GTF3C1: variants seen among roughly 807,000 people sequenced by gnomAD.
GTF3C1 encodes the protein general transcription factor 3C polypeptide 1.
A neutral mutation model predicts 226.7 loss-of-function variants in GTF3C1; 57 were observed. The observed-to-expected ratio is 0.25, with a 90% CI of 0.20 to 0.31. The LOEUF (loss-of-function observed/expected upper bound fraction) is 0.31. Among genes scored for constraint, GTF3C1 ranks in the 10% least tolerant of loss-of-function variants. The pLI, the probability that GTF3C1 is intolerant of heterozygous loss-of-function variation, is 1.00. For synonymous variants in GTF3C1, 1,090 were observed against 1,084.8 expected, an observed-to-expected ratio of 1.00 and a Z score of -0.09; for missense variants, 2,217 against 2,776.1, an observed-to-expected ratio of 0.80 and a Z score of 4.53.
intron 6 of GTF3C1, among the ~76,000 whole-genome samples, chr16:27,521,358 G>C (rs1008654303): frequency 3.3e-5 from 5 of 152,240 alleles, no homozygotes; most frequent in Admixed American, 6.5e-5. Flanking sequence ...CTCCCTCAGC[G>C]TGTGGCCAGT....
Position 27,507,758 on chromosome 16 carries a change from G to A in GTF3C1, c.1243-602C>T, listed in dbSNP as rs1395009532. On this transcript the variant is annotated intron_variant, in intron 8 of 36. Transcript: ENST00000356183. This position sits in a 1 kb window ranked among gnomAD's most constrained non-coding sequence, Gnocchi z 4.9. ...TTCCAGCCAGATGACCAGATCGTGA[G>A]CAAGATGAGAGTGGCATGTCAGGGG... 2.6e-5 allele frequency among the ~76,000 whole-genome samples: 4 copies of A among 152,376 alleles called. No individual in the cohort carries two copies. The highest frequency in any genetic ancestry group is 2.1e-4 in the South Asian group (1 of 4,834).
In GTF3C1 at chr16:27,485,030, A is replaced by G. The variant is rs1341416248; in HGVS notation, c.3859-677T>C. On this transcript the variant is annotated intron_variant, in intron 24 of 36. Coordinates refer to ENST00000356183, the MANE Select transcript of GTF3C1 (RefSeq NM_001520.4). ...CCACTTACCCATCAGCTCTGCAATG[A>G]CGAAGCCATTGCAGATGCAGGGAAC... 2.6e-5 allele frequency among the ~76,000 whole-genome samples: 4 copies of G among 152,364 alleles called. No homozygotes were observed. The East Asian group carries it at 7.7e-4, about 29-fold the overall frequency.
Position 27,462,047 on chromosome 16 carries a change from G to A in GTF3C1, c.6117+247C>T, listed in dbSNP as rs548672560. The A allele has an allele frequency of 2.2e-5, 12 of 543,100 alleles. No individual in the cohort carries two copies. The East Asian group carries it at 2.3e-4, about 11-fold the overall frequency. The allele number at this position is 543,100 out of a possible 1,614,324, so 33.6% of individuals were successfully genotyped here. ...GCGGACTCATGAGTTAGTGACCCCT[G>A]GCACAGAGAAAGCATCAGAGACAAG... On this transcript the variant is annotated intron_variant, in intron 36 of 36. Transcript: ENST00000356183. This position sits in a 1 kb window ranked among gnomAD's most constrained non-coding sequence, Gnocchi z 4.5.
chr16:27,546,281 C>A (rs895322820), intron 1 of GTF3C1, among the ~76,000 whole-genome samples: 1 of 152,074 alleles, frequency 6.6e-6, no homozygotes, highest in African/African-American at 2.4e-5. Flanking sequence ...AGTCCTTTTT[C>A]TCCAAATACA....
At chr16:27,527,019 T>C (rs954663514) in intron 6 of GTF3C1, among the ~76,000 whole-genome samples, 2 of 152,242 alleles carry the variant, frequency 1.3e-5, no homozygotes, top group East Asian at 3.9e-4. Context: ...AGCCTGGGCA[T>C]GATAGCAAGA....
intron 12 of GTF3C1, among the ~76,000 whole-genome samples, chr16:27,499,989 C>T (rs1317423314): frequency 6.6e-6 from 1 of 152,196 alleles, no homozygotes; most frequent in Non-Finnish European, 1.5e-5. Flanking sequence ...TGGCAAGAGG[C>T]CTGGGCACTT....
intron 2 of GTF3C1, among the ~76,000 whole-genome samples, chr16:27,541,934 T>C (rs2089090796): frequency 6.6e-6 from 1 of 152,090 alleles, no homozygotes. Context: ...TATCACCCTG[T>C]AAAAAATTGG....
intron 6 of GTF3C1, among the ~76,000 whole-genome samples, chr16:27,528,153 C>A (rs1157533317): frequency 6.6e-6 from 1 of 152,038 alleles, no homozygotes; most frequent in South Asian, 2.1e-4. Context: ...CGGGCACCTG[C>A]AGTTTCAGCT....
At chr16:27,487,097 T>C (rs1462550107) in intron 23 of GTF3C1, among the ~76,000 whole-genome samples, 1 of 152,210 alleles carries the variant, frequency 6.6e-6, no homozygotes, top group Non-Finnish European at 1.5e-5. Flanking sequence ...TCTTCCAAAT[T>C]AAGGCAGAAG....
intron 9 of GTF3C1, among the ~76,000 whole-genome samples, chr16:27,506,338 C>T (rs2049419370): frequency 6.6e-6 from 1 of 152,128 alleles, no homozygotes; most frequent in African/African-American, 2.4e-5. Context: ...GGGTAATTCT[C>T]TGCTGTCAGG....
chr16:27,512,240 T>C (rs568644267), intron 6 of GTF3C1, among the ~76,000 whole-genome samples: 1 of 152,272 alleles, frequency 6.6e-6, no homozygotes, highest in South Asian at 2.1e-4. Context: ...CGCCTGTCTC[T>C]TCCTGTTCCC....
intron 19 of GTF3C1, among the ~76,000 whole-genome samples, chr16:27,490,602 C>A (rs530043861): frequency 1.3e-5 from 2 of 152,160 alleles, no homozygotes; most frequent in Non-Finnish European, 2.9e-5. Context: ...CCCAAGGTCA[C>A]CCGTTTGAAT....
chr16:27,482,964 G>A, intron 26 of GTF3C1, 80 bp downstream of exon 26: 1 of 1,194,150 alleles, frequency 8.4e-7, no homozygotes, highest in African/African-American at 1.5e-5. Flanking sequence ...CAGGGGCACT[G>A]TGGGATGAGA....
chr16:27,502,729 A>G, intron 11 of GTF3C1, 130 bp downstream of exon 11: 1 of 932,002 alleles, frequency 1.1e-6, no homozygotes, highest in Non-Finnish European at 1.6e-6. Context: ...CAAAGGAACG[A>G]GATGAGAATC....
intron 6 of GTF3C1, among the ~76,000 whole-genome samples, chr16:27,514,205 A>G (rs2088619763): frequency 6.6e-6 from 1 of 152,164 alleles, no homozygotes; most frequent in African/African-American, 2.4e-5. Context: ...ATTAGAGGCA[A>G]TCTAAGGCCC....
chr16:27,511,682 G>A, intron 7 of GTF3C1, 67 bp downstream of exon 7: 1 of 1,534,910 alleles, frequency 6.5e-7, no homozygotes, highest in Middle Eastern at 1.7e-4. Context: ...CTCGACATGT[G>A]GGCAAAGCGC....
At chr16:27,465,643 C>T (rs2087776383) in intron 32 of GTF3C1, 103 bp from the exon 33 acceptor site, 1 of 902,552 alleles carries the variant, frequency 1.1e-6, no homozygotes, top group East Asian at 2.6e-5. Context: ...AGCACCAACT[C>T]ACTGCTTCCC....
Position 27,462,235 on chromosome 16 carries a change from G to A in GTF3C1, c.6117+59C>T, listed in dbSNP as rs1011601600. The A allele has an allele frequency of 1.8e-4, 220 of 1,227,494 alleles. No homozygotes were observed. Among genetic ancestry groups the A allele is most frequent in the Non-Finnish European group, 2.2e-4 (194 of 872,554 alleles). 76.0% of individuals were successfully genotyped at this position (1,227,494 alleles called of 1,614,324 possible). ...TGCCTGGGGCCTGAACATCACAGCC[G>A]GGCCACTGAGTGCACCCAGCCGCCT... On this transcript the variant is annotated intron_variant, in intron 36 of 36. Coordinates refer to ENST00000356183, the MANE Select transcript of GTF3C1 (RefSeq NM_001520.4). This position sits in a 1 kb window ranked among gnomAD's most constrained non-coding sequence, Gnocchi z 4.5.
At chr16:27,519,947 A>C (rs951584106) in intron 6 of GTF3C1, among the ~76,000 whole-genome samples, 5 of 152,156 alleles carry the variant, frequency 3.3e-5, no homozygotes, top group African/African-American at 1.2e-4. Flanking sequence ...CTCTACAAAA[A>C]AAACAATTTT....
Sources: gnomAD v4.1 joint callset for allele counts (sites outside exome capture counted in the v4.1 genomes callset) on GRCh38, gnomAD v4.1.1 for gene constraint, Gnocchi (gnomAD v3.1) non-coding constraint, MANE v1.5 for transcripts, NCBI Gene and HGNC (gene_info 2026-07-23, HGNC 2026-07-21) for gene names.